Variants in DDOST observed in about 807,000 individuals in gnomAD.
The protein encoded by DDOST is dolichyl-diphosphooligosaccharide--protein glycosyltransferase 48 kDa subunit.
In DDOST, 25 loss-of-function variants were observed where a neutral mutation model predicts 47.6. The observed-to-expected ratio is 0.53, with a 90% confidence interval of 0.38 to 0.73. The LOEUF (loss-of-function observed/expected upper bound fraction) is 0.73, where lower values mean the gene tolerates loss of function less well. Ranked by LOEUF, DDOST falls within the 30% of genes least tolerant of loss-of-function variation. DDOST has a pLI of 0.00. For synonymous variants in DDOST, 275 were observed against 236.0 expected (o/e 1.17, Z -1.51); for missense variants, 526 against 573.9 (o/e 0.92, Z 0.85).
At chr1:20,654,856 G>A in intron 5 of DDOST, 149 bp from the exon 6 acceptor site, 1 of 620,800 alleles carries the variant, frequency 1.6e-6, no homozygotes, top group Non-Finnish European at 2.8e-6. Flanking sequence ...AATGGAGTCT[G>A]ACTTGTTTTT....
In DDOST at chr1:20,655,468, G is replaced by C. The variant is rs749197629; in HGVS notation, c.523C>G (p.Leu175Val). The C allele has an allele frequency of 1.2e-6, 2 of 1,613,888 alleles. No homozygotes were observed. The highest frequency in any genetic ancestry group is 2.7e-5 in the African/African-American group (2 of 74,882). Residue 175 changes from leucine to valine, a missense_variant, in exon 5 of 11, where the codon CTA (leucine) becomes GTA (valine). By Grantham distance (32) the Leu-to-Val change is conservative. Transcript: ENST00000602624. ...ACACCTCGAAAGAGGATGGGATTTA[G>C]AGATGATTTCCCAACGATGGTTGGG... ...KAPTIVGKSS[L>V]NPILFRGVGM... is the part of the protein sequence containing the mutation.
Position 20,661,327 on chromosome 1 carries a change from C to T in DDOST, c.24G>A (p.Arg8=), listed in dbSNP as rs1179740249. The T allele has an allele frequency of 1.2e-6, 2 of 1,613,584 alleles. No individual in the cohort carries two copies. Among genetic ancestry groups the T allele is most frequent in the Admixed American group, 3.3e-5 (2 of 60,016 alleles). Reference sequence around the variant, plus strand: ...GCAGCAACCAAAAGAGGGCCCAAGCCCGGGCCGCGGTGCTGGGCTCCATCT... The same window carrying T: ...GCAGCAACCAAAAGAGGGCCCAAGCTCGGGCCGCGGTGCTGGGCTCCATCT... MEPSTAA[R]AWALFWLLLP... is the part of the protein sequence containing the mutation. Residue 8 remains arginine (R), a synonymous_variant, in exon 1 of 11, where the codon CGG becomes CGA. Coordinates refer to ENST00000602624, the MANE Select transcript of DDOST (RefSeq NM_005216.5).
chr1:20,660,527 C>A, intron 2 of DDOST: 1 of 178,046 alleles, frequency 5.6e-6, no homozygotes, highest in South Asian at 1.2e-4. Context: ...TTATAGCAAT[C>A]CATATTAATA....
chr1:20,654,436 G>A (rs2053342585), intron 6 of DDOST, 65 bp from the exon 7 acceptor site: 7 of 1,518,990 alleles, frequency 4.6e-6, no homozygotes, highest in South Asian at 2.4e-5. Context: ...CACGCCTCCC[G>A]AACAAGAGGA....
At chr1:20,655,307 G>T in intron 5 of DDOST, 133 bp downstream of exon 5, 1 of 654,558 alleles carries the variant, frequency 1.5e-6, no homozygotes, top group Non-Finnish European at 2.7e-6. Context: ...CACTATACTC[G>T]GCCTTGATAT....
chr1:20,655,555 G>T, intron 4 of DDOST, 21 bp from the exon 5 acceptor site: 1 of 1,611,194 alleles, frequency 6.2e-7, no homozygotes, highest in Non-Finnish European at 8.5e-7. Flanking sequence ...TAGATGGAAA[G>T]GTGGGTGGTC....
intron 7 of DDOST, among the ~76,000 whole-genome samples, chr1:20,653,999 C>T (rs1037315273): frequency 1.2e-4 from 19 of 152,130 alleles, no homozygotes; most frequent in African/African-American, 4.1e-4. Context: ...CTAAAAGGAA[C>T]GGTGGAGGTT....
In DDOST at chr1:20,651,801, T is replaced by TTTTTTTTTTTATTTATTTA. The variant is rs886045853; in HGVS notation, c.*577_*578insTAAATAAATAAAAAAAAAA. 1.1e-3 allele frequency: 162 copies of TTTTTTTTTTTATTTATTTA among 147,182 alleles called. 3 individuals carry two copies. The highest frequency in any genetic ancestry group is 3.7e-4 in the Non-Finnish European group (25 of 67,128). The allele number at this position is 147,182 out of a possible 1,614,324, so 9.1% of individuals were successfully genotyped here. ...GTTTGAGGGCAACATCTCGCTTTAT[T>TTTTTTTTTTTATTTATTTA]TTTATTTATTTATTTATTTATTTAT... On this transcript the variant is annotated 3_prime_UTR_variant, in exon 11 of 11. Transcript: ENST00000602624.
intron 2 of DDOST, among the ~76,000 whole-genome samples, chr1:20,658,851 CTT>C (rs1312801566): frequency 6.9e-6 from 1 of 143,928 alleles, no homozygotes; most frequent in South Asian, 2.2e-4. Context: ...TTTTTTTTCT[CTT>C]TTCTTTTTTT....
intron 7 of DDOST, 112 bp from the exon 8 acceptor site, chr1:20,653,886 G>A: frequency 7.7e-7 from 1 of 1,301,012 alleles, no homozygotes; most frequent in Non-Finnish European, 1.1e-6. Flanking sequence ...AGTTCTGCCT[G>A]TAGGCCTTGG....
At position 20,653,759 on chromosome 1, in the gene DDOST, G is replaced by A; in HGVS notation, c.810C>T (p.Gly270=). The A allele has an allele frequency of 6.2e-7, 1 of 1,613,530 alleles. No homozygotes were observed. Among genetic ancestry groups the A allele is most frequent in the Non-Finnish European group, 8.5e-7 (1 of 1,179,652 alleles). ...AGAGGGCCACAGCTAGTTCATAGTT[G>A]CCTGTCTGGGAATACCTGCAGGAGG... ...APGSQRYSQT[G]NYELAVALSR... Residue 270 remains glycine (G), a synonymous_variant, in exon 8 of 11, where the codon GGC becomes GGT. Coordinates refer to ENST00000602624, the MANE Select transcript of DDOST (RefSeq NM_005216.5).
intron 8 of DDOST, 44 bp downstream of exon 8, chr1:20,653,583 G>A (rs368054727): frequency 9.1e-6 from 14 of 1,531,000 alleles, no homozygotes; most frequent in Non-Finnish European, 1.2e-5. Context: ...AGCTCAGTCA[G>A]CTTGGCAAAC....
At position 20,652,625 on chromosome 1, in the gene DDOST, G is replaced by A. The variant is rs767226385; in HGVS notation, c.1166C>T (p.Thr389Ile). 1.9e-6 allele frequency: 3 copies of A among 1,614,116 alleles called. No homozygotes were observed. Among genetic ancestry groups the A allele is most frequent in the Non-Finnish European group, 2.5e-6 (3 of 1,179,912 alleles). ...GAAGCTGTCACCTGTGCTTACCTGAGTGGAAGAGTACAGGTGTGTGTAGCC... is the reference window on the plus strand; with the variant it reads ...GAAGCTGTCACCTGTGCTTACCTGAATGGAAGAGTACAGGTGTGTGTAGCC... ...RLGYTHLYSS[T>I]QVSVRPLQHT... Residue 389 changes from threonine (T) to isoleucine (I), a missense_variant, in exon 10 of 11, where the codon ACT becomes ATT. Transcript: ENST00000602624.
chr1:20,653,709 CCCT>C lies in DDOST; in HGVS notation c.857_859del (p.Glu286del), dbSNP rs1557571295. On this transcript the variant is annotated inframe_deletion, in exon 8 of 11. Transcript: ENST00000602624. ...GGACACAGGCCCCACACGGAGGACA[CCCT>C]CCTCCTTGAACACCCAGCGGGAGAG... 1 of 1,614,028 alleles carries C rather than the reference CCCT, an allele frequency of 6.2e-7. No individual in the cohort carries two copies. The highest frequency in any genetic ancestry group is 2.2e-5 in the East Asian group (1 of 44,886).
In DDOST at chr1:20,655,790, C is replaced by T. The variant is rs202107268; in HGVS notation, c.353-11G>A. The T allele has an allele frequency of 8.7e-6, 14 of 1,611,204 alleles. No individual in the cohort carries two copies. Among genetic ancestry groups the T allele is most frequent in the Admixed American group, 3.3e-5 (2 of 59,992 alleles). On this transcript the variant is annotated splice_polypyrimidine_tract_variant and intron_variant, in intron 3 of 10. Coordinates refer to ENST00000602624, the MANE Select transcript of DDOST (RefSeq NM_005216.5). ...CTCGAAGAGGGTCACCTGCACAGAC[C>T]GAAGAGACACCTAGCTGAGCCCTTA...
rs370808251 is a variant in DDOST, at chr1:20,652,439, C to T, written c.1260G>A (p.Leu420=). ...PYYASAFSMM[L]GLFIFSIVFL... is the part of the protein sequence containing the mutation. Reference sequence around the variant, plus strand: ...AGACGATGCTGAAGATGAAGAGCCCCAGCATCATGGAGAAGGCGCTGGCGT... The same window carrying T: ...AGACGATGCTGAAGATGAAGAGCCCTAGCATCATGGAGAAGGCGCTGGCGT... Residue 420 remains leucine (L), a synonymous_variant, in exon 11 of 11, where the codon CTG becomes CTA. Coordinates refer to ENST00000602624, the MANE Select transcript of DDOST (RefSeq NM_005216.5). 5.0e-6 allele frequency: 8 copies of T among 1,613,888 alleles called. No homozygotes were observed. In the East Asian group the frequency reaches 1.6e-4, roughly 31 times the overall value.
intron 2 of DDOST, among the ~76,000 whole-genome samples, chr1:20,656,965 C>T (rs1234646880): frequency 2.0e-5 from 3 of 152,196 alleles, no homozygotes; most frequent in Admixed American, 6.5e-5. Flanking sequence ...CTCAGTAATC[C>T]ATTTATTCAT....
In DDOST at chr1:20,652,236, C is replaced by T. The variant is rs2053299750; in HGVS notation, c.*143G>A. ...ATAAAAATTATCCCAACTCCCACCCCTTGGCTCTCAGTGTTGCATCTCCCA... is the reference window on the plus strand; with the variant it reads ...ATAAAAATTATCCCAACTCCCACCCTTTGGCTCTCAGTGTTGCATCTCCCA... On this transcript the variant is annotated 3_prime_UTR_variant, in exon 11 of 11. Coordinates refer to ENST00000602624, the MANE Select transcript of DDOST (RefSeq NM_005216.5). The T allele has an allele frequency of 2.6e-6, 2 of 781,566 alleles. No homozygotes were observed. Among genetic ancestry groups the T allele is most frequent in the Non-Finnish European group, 3.8e-6 (2 of 525,486 alleles). 48.4% of individuals were successfully genotyped at this position (781,566 alleles called of 1,614,324 possible). A position where few individuals can be genotyped will look rare whatever the true frequency, so the allele number is the denominator to read the frequency against.
chr1:20,655,991 TCC>T (rs748660920), intron 3 of DDOST, 108 bp downstream of exon 3: 96 of 971,220 alleles, frequency 9.9e-5, no homozygotes, highest in Non-Finnish European at 1.5e-4. Context: ...CCTCACTGAC[TCC>T]CCAGCTAAGG....
Sources: allele counts gnomAD v4.1 joint callset (sites outside exome capture counted in the v4.1 genomes callset), GRCh38; gene constraint gnomAD v4.1.1; transcripts MANE v1.5; gene names NCBI Gene and HGNC (gene_info 2026-07-23, HGNC 2026-07-21).